ERICH6B: variants seen among roughly 807,000 people sequenced by gnomAD.
ERICH6B encodes glutamate-rich protein 6B.
ERICH6B carries 69 observed loss-of-function variants against 80.0 expected under a neutral mutation model. The ratio of observed to expected loss-of-function variants is 0.86; its 90% CI spans 0.71 to 1.05. The LOEUF is 1.05. Ranked by LOEUF, ERICH6B falls within the 50% of genes least tolerant of loss-of-function variation. The pLI is 0.00. For synonymous variants in ERICH6B, 283 were observed against 291.9 expected (o/e 0.97, Z 0.31); for missense variants, 754 against 796.1 (o/e 0.95, Z 0.64).
chr13:45,586,192 G>T (rs570696846), intron 5 of ERICH6B, among the ~76,000 whole-genome samples: 1 of 152,044 alleles, frequency 6.6e-6, no homozygotes. Context: ...ACATGCTGGC[G>T]GTGTGTGCCT....
At position 45,550,026 on chromosome 13, in the gene ERICH6B, C is replaced by G. The variant is rs753515705; in HGVS notation, c.1513G>C (p.Ala505Pro). ...ATTTTCGCATATAAGATGAGCATAGCCAGGTTTCCTGATGGATAACTGGGA... is the reference window on the plus strand; with the variant it reads ...ATTTTCGCATATAAGATGAGCATAGGCAGGTTTCCTGATGGATAACTGGGA... ...GQIHYPSGNL[A>P]MLILYAKMKK... Residue 505 changes from alanine to proline, a missense_variant, in exon 13 of 15, where the codon GCT (alanine) becomes CCT (proline). Physicochemically the swap from Ala to Pro is conservative, Grantham distance 27. Coordinates refer to ENST00000298738, the MANE Select transcript of ERICH6B (RefSeq NM_182542.3). The G allele has an allele frequency of 1.9e-5, 29 of 1,551,680 alleles. No homozygotes were observed. In the South Asian group the frequency reaches 3.5e-4, roughly 18 times the overall value.
At chr13:45,602,064 G>A (rs936324830) in intron 2 of ERICH6B, among the ~76,000 whole-genome samples, 1 of 152,138 alleles carries the variant, frequency 6.6e-6, no homozygotes, top group Non-Finnish European at 1.5e-5. Context: ...CATGGGGAGA[G>A]AAAAAAGAGA....
intron 11 of ERICH6B, among the ~76,000 whole-genome samples, chr13:45,559,623 T>G (rs540916550): frequency 1.3e-5 from 2 of 152,316 alleles, no homozygotes; most frequent in South Asian, 4.1e-4. Context: ...TAAAAATTTT[T>G]AAATTTCCAT....
rs562072463 is a variant in ERICH6B at position 45,587,063 on chromosome 13, C to A, written c.856G>T (p.Val286Leu). Residue 286 changes from valine to leucine, a missense_variant and splice_region_variant, in exon 5 of 15, where the codon GTA becomes TTA. Physicochemically the swap from Val to Leu is conservative, Grantham distance 32 (BLOSUM62 1). Coordinates refer to ENST00000298738, the MANE Select transcript of ERICH6B (RefSeq NM_182542.3). ...ACCGACAGAGCGCAGCTTCCCTCAC[C>A]GGCAGTTCTGTCGTAGCACCAGTCT... ...QTDWCYDRTAVKSLKSKSETE... is the reference protein window; with the variant it reads ...QTDWCYDRTALKSLKSKSETE... 2 of 1,551,026 alleles carry A rather than the reference C, an allele frequency of 1.3e-6. No homozygotes were observed. The highest frequency in any genetic ancestry group is 1.7e-6 in the Non-Finnish European group (2 of 1,146,626).
Position 45,596,500 on chromosome 13 carries a change from T to C in ERICH6B, c.506A>G (p.Tyr169Cys). 1 of 1,551,394 alleles carries C rather than the reference T, an allele frequency of 6.4e-7. No homozygotes were observed. Among genetic ancestry groups the C allele is most frequent in the South Asian group, 1.2e-5 (1 of 84,018 alleles). ...TTCTAGATATGATTTCTTCCCCAGA[T>C]ACTCCTCCTCCTCCAGATACGCTTT... ...GKKAYLEEEE[Y>C]LGKKSYLEEE... is the part of the protein sequence containing the mutation. The change falls in exon 3 of 15, where the codon TAT (tyrosine) becomes TGT (cysteine). Residue 169 changes from tyrosine to cysteine, a missense_variant. Coordinates refer to ENST00000298738, the MANE Select transcript of ERICH6B (RefSeq NM_182542.3).
intron 14 of ERICH6B, 113 bp from the exon 15 acceptor site, chr13:45,541,793 G>A (rs1041491158): frequency 3.3e-6 from 3 of 919,352 alleles, no homozygotes; most frequent in Non-Finnish European, 3.3e-6. Flanking sequence ...GCCTTCACTC[G>A]AGAAAGCACA....
chr13:45,556,314 C>A (rs374422901), intron 11 of ERICH6B, among the ~76,000 whole-genome samples: 2 of 152,156 alleles, frequency 1.3e-5, no homozygotes, highest in Non-Finnish European at 2.9e-5. Flanking sequence ...TTACTGAAGA[C>A]ATGAAGACTA....
chr13:45,561,674 T>G, intron 10 of ERICH6B, 148 bp from the exon 11 acceptor site: 29 of 814,302 alleles, frequency 3.6e-5, no homozygotes, highest in Non-Finnish European at 5.1e-5. Flanking sequence ...TGTCGGGTAG[T>G]GGGAAGATTA....
rs115896707 is a variant in ERICH6B at position 45,567,125 on chromosome 13, A to G, written c.1187+1190T>C. Reference sequence around the variant, plus strand: ...GCCTGTAGCCCCTTCGTTTTGGCCAATTTCTCTCAGTTAGAACAGCTGTAT... The same window carrying G: ...GCCTGTAGCCCCTTCGTTTTGGCCAGTTTCTCTCAGTTAGAACAGCTGTAT... On this transcript the variant is annotated intron_variant, in intron 9 of 14. Transcript: ENST00000298738. Among the ~76,000 whole-genome samples the G allele has an allele frequency of 3.2e-3, 489 of 152,338 alleles. 2 individuals are homozygous for G. Among genetic ancestry groups the G allele is most frequent in the African/African-American group, 0.011 (471 of 41,574 alleles).
intron 8 of ERICH6B, among the ~76,000 whole-genome samples, chr13:45,572,162 A>G (rs576767390): frequency 6.6e-6 from 1 of 152,200 alleles, no homozygotes; most frequent in Non-Finnish European, 1.5e-5. Context: ...TGTGTACCAA[A>G]TAGAACTTTC....
intron 2 of ERICH6B, among the ~76,000 whole-genome samples, chr13:45,600,797 A>G (rs1949822810): frequency 6.6e-6 from 1 of 152,210 alleles, no homozygotes; most frequent in African/African-American, 2.4e-5. Context: ...GAATACTGCT[A>G]TGATAAACAT....
chr13:45,562,906 G>C (rs1454808173), intron 10 of ERICH6B, among the ~76,000 whole-genome samples: 1 of 152,170 alleles, frequency 6.6e-6, no homozygotes. Context: ...TATTGAGAGG[G>C]AATCAGGCAG....
chr13:45,597,032 C>T lies in ERICH6B; in HGVS notation c.-27G>A. The T allele has an allele frequency of 1.3e-6, 2 of 1,508,694 alleles. No individual in the cohort carries two copies. Among genetic ancestry groups the T allele is most frequent in the African/African-American group, 1.4e-5 (1 of 71,844 alleles). The allele number at this position is 1,508,694 out of a possible 1,614,324, so 93.5% of individuals were successfully genotyped here. On this transcript the variant is annotated 5_prime_UTR_variant, in exon 3 of 15. Coordinates refer to ENST00000298738, the MANE Select transcript of ERICH6B (RefSeq NM_182542.3). ...CTGGGGAAGTCGTAGGTGGTGAACT[C>T]CTTCTGCAGCAGCCAACGTCACTTT...
chr13:45,572,956 A>G (rs576308034), intron 8 of ERICH6B, among the ~76,000 whole-genome samples: 103 of 151,462 alleles, frequency 6.8e-4, no homozygotes, highest in African/African-American at 2.4e-3. Flanking sequence ...GTGGTCGAGG[A>G]TATGATGGAG....
intron 11 of ERICH6B, among the ~76,000 whole-genome samples, chr13:45,550,590 T>TC: frequency 6.6e-6 from 1 of 152,324 alleles, no homozygotes; most frequent in Non-Finnish European, 1.5e-5. Flanking sequence ...GAACAAAGTC[T>TC]CACAAACTGG....
At chr13:45,571,865 G>A (rs1593787036) in intron 8 of ERICH6B, among the ~76,000 whole-genome samples, 1 of 152,162 alleles carries the variant, frequency 6.6e-6, no homozygotes, top group African/African-American at 2.4e-5. Flanking sequence ...TCCTCTGCAA[G>A]TCATGGAGAG....
intron 5 of ERICH6B, among the ~76,000 whole-genome samples, chr13:45,584,676 G>T (rs191222906): frequency 6.6e-6 from 1 of 152,318 alleles, no homozygotes; most frequent in East Asian, 1.9e-4. Flanking sequence ...GGGACACCCA[G>T]TTCTGGGCCT....
At position 45,563,821 on chromosome 13, in the gene ERICH6B, A is replaced by G. The variant is rs147605437; in HGVS notation, c.1188-33T>C. ...GAAAGTGGATCATCTTTAGAAGCCAAGACTAAGTTCACGCATACATGCCAT... is the reference window on the plus strand; with the variant it reads ...GAAAGTGGATCATCTTTAGAAGCCAGGACTAAGTTCACGCATACATGCCAT... On this transcript the variant is annotated intron_variant, in intron 9 of 14. Coordinates refer to ENST00000298738, the MANE Select transcript of ERICH6B (RefSeq NM_182542.3). 1,174 of 1,529,590 alleles carry G rather than the reference A, an allele frequency of 7.7e-4. 8 individuals carry two copies. The African/African-American group carries it at 0.014, about 18-fold the overall frequency. The allele number at this position is 1,529,590 out of a possible 1,614,324, so 94.8% of individuals were successfully genotyped here. A position where few individuals can be genotyped will look rare whatever the true frequency, so the allele number is the denominator to read the frequency against.
rs368442913 is a variant in ERICH6B, at chr13:45,568,284, G to C, written c.1187+31C>G. ...CACCTCTGGCATACCCAAATCCACTGACCAATCACTTGGCCTCACCAGTTA... is the reference window on the plus strand; with the variant it reads ...CACCTCTGGCATACCCAAATCCACTCACCAATCACTTGGCCTCACCAGTTA... On this transcript the variant is annotated intron_variant, in intron 9 of 14. Coordinates refer to ENST00000298738, the MANE Select transcript of ERICH6B (RefSeq NM_182542.3). The C allele has an allele frequency of 1.3e-5, 19 of 1,511,184 alleles. No homozygotes were observed. The African/African-American group carries it at 2.0e-4, about 16-fold the overall frequency. The allele number at this position is 1,511,184 out of a possible 1,614,324, so 93.6% of individuals were successfully genotyped here. A position where few individuals can be genotyped will look rare whatever the true frequency, so the allele number is the denominator to read the frequency against.
Sources: allele counts gnomAD v4.1 joint callset (sites outside exome capture counted in the v4.1 genomes callset), GRCh38; gene constraint gnomAD v4.1.1; transcripts MANE v1.5; gene names NCBI Gene and HGNC (gene_info 2026-07-23, HGNC 2026-07-21).